Variants in UBA6 observed in about 807,000 individuals in gnomAD.
The protein encoded by UBA6 is ubiquitin-like modifier-activating enzyme 6.
UBA6 carries 87 observed loss-of-function variants against 148.3 expected under a neutral mutation model. The observed-to-expected ratio is 0.59, with a 90% CI of 0.49 to 0.70. UBA6 has a LOEUF of 0.70. UBA6 is among the 30% of genes least tolerant of loss of function. The pLI, the probability that UBA6 is intolerant of heterozygous loss-of-function variation, is 0.00. For missense variants in UBA6, 1,186 were observed against 1,241.2 expected (o/e 0.96, Z 0.67); for synonymous variants, 376 against 401.0 (o/e 0.94, Z 0.75).
At position 67,625,014 on chromosome 4, in the gene UBA6, T is replaced by C; in HGVS notation, c.2692A>G (p.Thr898Ala). 1 of 1,608,180 alleles carries C rather than the reference T, an allele frequency of 6.2e-7. No homozygotes were observed. Among genetic ancestry groups the C allele is most frequent in the Non-Finnish European group, 8.5e-7 (1 of 1,175,882 alleles). ...CTTACCAAGCCAGAAACTGTAGCAG[T>C]GGTTGTTGCTATAGCAGGTATAATT... Reference protein sequence around the residue: ...GKIIPAIATTTATVSGLVALE... With the variant: ...GKIIPAIATTAATVSGLVALE... Residue 898 changes from threonine (T) to alanine (A), a missense_variant, in exon 29 of 33, where the codon ACT (threonine) becomes GCT (alanine). Transcript: ENST00000322244.
chr4:67,673,319 G>C (rs999858887), intron 7 of UBA6, among the ~76,000 whole-genome samples: 1 of 151,212 alleles, frequency 6.6e-6, no homozygotes, highest in Non-Finnish European at 1.5e-5. Context: ...AGGGGACTGA[G>C]ACAGGAGAAT....
intron 2 of UBA6, among the ~76,000 whole-genome samples, chr4:67,690,684 G>A (rs1184640835): frequency 6.6e-6 from 1 of 152,014 alleles, no homozygotes; most frequent in Admixed American, 6.6e-5. Context: ...ACAAGTATAT[G>A]AAAAGGTGCT....
At chr4:67,619,895 T>C (rs1728714307) in intron 32 of UBA6, among the ~76,000 whole-genome samples, 1 of 152,126 alleles carries the variant, frequency 6.6e-6, no homozygotes, top group Non-Finnish European at 1.5e-5. Context: ...TCTAGCTAGC[T>C]TTCTCTAGTC....
intron 8 of UBA6, 145 bp from the exon 9 acceptor site, chr4:67,668,819 C>T: frequency 1.5e-6 from 1 of 684,676 alleles, no homozygotes; most frequent in Non-Finnish European, 2.4e-6. Flanking sequence ...TAAAAGCAAG[C>T]CTTTAAAAAG....
chr4:67,689,150 G>T (rs1156294348), intron 2 of UBA6, among the ~76,000 whole-genome samples: 3 of 152,100 alleles, frequency 2.0e-5, no homozygotes, highest in African/African-American at 7.2e-5. Flanking sequence ...TTATAAAATA[G>T]TCTTTGTGTT....
chr4:67,639,938 T>A (rs1729263983), intron 18 of UBA6, among the ~76,000 whole-genome samples: 1 of 152,238 alleles, frequency 6.6e-6, no homozygotes, highest in South Asian at 2.1e-4. Flanking sequence ...CAAGCAAAAC[T>A]GGATACTGCT....
At chr4:67,680,132 A>ATGG (rs1483102991) in intron 4 of UBA6, among the ~76,000 whole-genome samples, 1 of 152,226 alleles carries the variant, frequency 6.6e-6, no homozygotes, top group African/African-American at 2.4e-5. Context: ...TGCATTTTGT[A>ATGG]AATGTACAAT....
intron 13 of UBA6, among the ~76,000 whole-genome samples, chr4:67,654,324 C>A (rs10027068): frequency 0.011 from 1,747 of 152,318 alleles, 40 homozygotes; most frequent in African/African-American, 0.04. Context: ...GTCCATCAGA[C>A]TAACAGCGGA....
At chr4:67,637,153 C>T (rs561972617) in intron 19 of UBA6, among the ~76,000 whole-genome samples, 72 of 149,888 alleles carry the variant, frequency 4.8e-4, no homozygotes, top group African/African-American at 1.1e-3. Flanking sequence ...CGTCTCCGCC[C>T]GGCAGCCGCC....
At chr4:67,634,582 A>T in intron 20 of UBA6, 64 bp from the exon 21 acceptor site, 1 of 1,240,362 alleles carries the variant, frequency 8.1e-7, no homozygotes, top group Non-Finnish European at 1.1e-6. Flanking sequence ...TATTGATTTA[A>T]TCTAGTTTTG....
chr4:67,684,454 A>G (rs749999610), intron 2 of UBA6, among the ~76,000 whole-genome samples: 5 of 152,292 alleles, frequency 3.3e-5, no homozygotes, highest in Non-Finnish European at 5.9e-5. Context: ...AATCCAAAGT[A>G]TATTTTGAAA....
intron 1 of UBA6, among the ~76,000 whole-genome samples, chr4:67,698,294 G>A (rs78957834): frequency 0.019 from 2,948 of 152,148 alleles, 70 homozygotes; most frequent in East Asian, 0.1. Context: ...ATCACTTACC[G>A]TTAACTGTCT....
rs780475604 is a variant in UBA6 at position 67,631,708 on chromosome 4, A to G, written c.2258T>C (p.Leu753Ser). The part of the protein sequence containing the change: ...SPIKFDLNEP[L>S]HLSFLQNAAK... The stretch of plus-strand genomic sequence containing the variant: ...CATAAAACTAAATATAAATACTTAC[A>G]AAGGCTCATTTAAATCAAATTTTAT... Residue 753 changes from leucine (L) to serine (S), a missense_variant and splice_region_variant, in exon 25 of 33, where the codon TTG becomes TCG. By Grantham distance (145) the Leu-to-Ser change is moderately radical. Transcript: ENST00000322244. 12 of 1,602,800 alleles carry G rather than the reference A, an allele frequency of 7.5e-6. No homozygotes were observed. In the South Asian group the frequency reaches 1.3e-4, roughly 18 times the overall value.
chr4:67,681,852 T>A (rs1033719005), intron 3 of UBA6, among the ~76,000 whole-genome samples: 3 of 152,204 alleles, frequency 2.0e-5, no homozygotes, highest in Non-Finnish European at 4.4e-5. Context: ...ATACAGTATA[T>A]GTATGTGTGC....
At chr4:67,686,749 T>G (rs1253692549) in intron 2 of UBA6, among the ~76,000 whole-genome samples, 1 of 151,580 alleles carries the variant, frequency 6.6e-6, no homozygotes, top group Non-Finnish European at 1.5e-5. Context: ...ACCAGGAGTT[T>G]GAGACCAGCC....
At chr4:67,643,339 A>G (rs1368908035) in intron 17 of UBA6, among the ~76,000 whole-genome samples, 1 of 151,878 alleles carries the variant, frequency 6.6e-6, no homozygotes, top group Non-Finnish European at 1.5e-5. Flanking sequence ...TCATTTTTTA[A>G]TCTGAATTGT....
In UBA6 at chr4:67,673,771, C is replaced by T. The variant is rs1730208224; in HGVS notation, c.472G>A (p.Val158Ile). ...AATGGAAGTTTCATCTCAGTCAATA[C>T]TACACACTGTTGAGAAAACAACAAA... ...LSFLDKYQCV[V>I]LTEMKLPLQK... The change falls in exon 7 of 33, where the codon GTA becomes ATA. Residue 158 changes from valine (V) to isoleucine (I), a missense_variant. Physicochemically the swap from Val to Ile is conservative, Grantham distance 29 (BLOSUM62 3). Coordinates refer to ENST00000322244, the MANE Select transcript of UBA6 (RefSeq NM_018227.6). The T allele has an allele frequency of 1.2e-6, 2 of 1,606,246 alleles. No individual in the cohort carries two copies. The highest frequency in any genetic ancestry group is 1.7e-6 in the Non-Finnish European group (2 of 1,174,870).
chr4:67,688,168 T>C (rs1370229659), intron 2 of UBA6, among the ~76,000 whole-genome samples: 1 of 152,168 alleles, frequency 6.6e-6, no homozygotes, highest in Non-Finnish European at 1.5e-5. Context: ...TAGTGATCTC[T>C]ACAAAGGAAA....
rs565522497 is a variant in UBA6 at position 67,686,455 on chromosome 4, C to T, written c.135-4242G>A. On this transcript the variant is annotated intron_variant, in intron 2 of 32. Coordinates refer to ENST00000322244, the MANE Select transcript of UBA6 (RefSeq NM_018227.6). The stretch of plus-strand genomic sequence containing the variant: ...ACATACCGATTTCAAGCCAGTCACT[C>T]GCTTGGGGTTCACTGTGCAGAGATC... Among the ~76,000 whole-genome samples the T allele has an allele frequency of 3.1e-4, 47 of 152,194 alleles. No homozygotes were observed. In the South Asian group the frequency reaches 8.9e-3, roughly 29 times the overall value.
Sources: gnomAD v4.1 joint callset for allele counts (sites outside exome capture counted in the v4.1 genomes callset) on GRCh38, gnomAD v4.1.1 for gene constraint, MANE v1.5 for transcripts, NCBI Gene and HGNC (gene_info 2026-07-23, HGNC 2026-07-21) for gene names.